HDAC9: variants seen among roughly 807,000 people sequenced by gnomAD.
HDAC9 encodes histone deacetylase 9, also known as MEF-2 interacting transcription repressor (MITR) protein.
In HDAC9, 41 loss-of-function variants were observed where a neutral mutation model predicts 139.4. That is an observed-to-expected ratio of 0.29 (90% CI 0.23 to 0.38). The LOEUF (loss-of-function observed/expected upper bound fraction) is 0.38, where lower values mean the gene tolerates loss of function less well. HDAC9 is among the 10% of genes least tolerant of loss of function. The probability of loss-of-function intolerance (pLI) is 1.00; values close to 1 mark genes in which losing one functional copy is unlikely to be tolerated. For missense variants in HDAC9, 1,147 were observed against 1,297.0 expected (o/e 0.88, Z 1.78); for synonymous variants, 517 against 476.2 (o/e 1.09, Z -1.12).
intron 2 of HDAC9, among the ~76,000 whole-genome samples, chr7:18,232,344 T>G (rs1793519944): frequency 6.6e-6 from 1 of 152,170 alleles, no homozygotes; most frequent in Admixed American, 6.6e-5. Flanking sequence ...GTCTGTTTCT[T>G]TCCTTGTTAC....
intron 1 of HDAC9, among the ~76,000 whole-genome samples, chr7:18,489,089 C>T (rs1796178467): frequency 6.6e-6 from 1 of 151,898 alleles, no homozygotes; most frequent in East Asian, 1.9e-4. Flanking sequence ...TACTCAAGAT[C>T]AGTAGTCACT....
chr7:18,967,719 T>C (rs1283311372), intron 24 of HDAC9, among the ~76,000 whole-genome samples: 1 of 152,152 alleles, frequency 6.6e-6, no homozygotes, highest in Non-Finnish European at 1.5e-5. Context: ...TTAATGACAT[T>C]TAATAACTCT....
In HDAC9 at chr7:18,207,386, T is replaced by C. The variant is rs530540089; in HGVS notation, c.25+45037T>C. ...TAAATATTTTAGGATCCATGCAATT[T>C]TGTTTTGATTCATTATTTTTATTTA... On this transcript the variant is annotated intron_variant, in intron 2 of 12. Coordinates refer to the HDAC9 transcript ENST00000417496. 1.9e-4 allele frequency among the ~76,000 whole-genome samples: 29 copies of C among 152,052 alleles called. No individual in the cohort carries two copies. The South Asian group carries it at 6.0e-3, about 32-fold the overall frequency.
intron 1 of HDAC9, among the ~76,000 whole-genome samples, chr7:18,105,716 C>G (rs1042628624): frequency 5.9e-5 from 9 of 151,688 alleles, no homozygotes; most frequent in African/African-American, 2.2e-4. Context: ...CAGAGAGTTA[C>G]TATATTAGCT....
At chr7:18,191,473 A>C (rs111637943) in intron 2 of HDAC9, among the ~76,000 whole-genome samples, 4 of 152,346 alleles carry the variant, frequency 2.6e-5, no homozygotes, top group African/African-American at 7.2e-5. Context: ...GAATGATTTT[A>C]GACAAACCCA....
intron 16 of HDAC9, among the ~76,000 whole-genome samples, chr7:18,786,813 TTCC>T (rs1791852477): frequency 1.2e-5 from 1 of 84,704 alleles, no homozygotes; most frequent in Non-Finnish European, 2.5e-5. Context: ...CCTTCCTTCC[TTCC>T]TTCATTCCTT....
intron 1 of HDAC9, among the ~76,000 whole-genome samples, chr7:18,456,352 T>C (rs1793345783): frequency 6.6e-6 from 1 of 152,266 alleles, no homozygotes; most frequent in Non-Finnish European, 1.5e-5. Context: ...TTCTCTTGCC[T>C]CAGCCTCCCA....
At chr7:18,211,571 C>T (rs1269880124) in intron 2 of HDAC9, among the ~76,000 whole-genome samples, 1 of 152,188 alleles carries the variant, frequency 6.6e-6, no homozygotes, top group East Asian at 1.9e-4. Context: ...GAGACATCCA[C>T]TAGTGTCTAC....
intron 14 of HDAC9, among the ~76,000 whole-genome samples, chr7:18,755,650 CA>C (rs537490197): frequency 1.4e-4 from 21 of 152,152 alleles, no homozygotes; most frequent in African/African-American, 4.8e-4. Flanking sequence ...TAAGGGATAA[CA>C]TTTTTTTCTT....
intron 5 of HDAC9, among the ~76,000 whole-genome samples, chr7:18,593,242 A>G (rs1831491423): frequency 1.3e-5 from 2 of 152,116 alleles, no homozygotes; most frequent in African/African-American, 2.4e-5. Context: ...ATATGTAATT[A>G]TAGATATTTA....
intron 17 of HDAC9, among the ~76,000 whole-genome samples, chr7:18,816,485 G>T (rs951972334): frequency 6.6e-5 from 10 of 152,280 alleles, no homozygotes; most frequent in African/African-American, 2.4e-4. Flanking sequence ...TGGTTAATTT[G>T]AGATTGCCAG....
At chr7:18,949,196 T>A in intron 23 of HDAC9, 1 of 221,222 alleles carries the variant, frequency 4.5e-6, no homozygotes, top group South Asian at 6.0e-5. Flanking sequence ...GAGTATCTTA[T>A]ATAGATTTCT....
chr7:18,236,218 A>G (rs1382532417), intron 2 of HDAC9, among the ~76,000 whole-genome samples: 3 of 152,172 alleles, frequency 2.0e-5, no homozygotes, highest in Middle Eastern at 3.2e-3. Context: ...TCAACTAGGA[A>G]CTTGTTAGCA....
chr7:18,679,338 T>TA (rs1781732511), intron 12 of HDAC9, among the ~76,000 whole-genome samples: 1 of 151,988 alleles, frequency 6.6e-6, no homozygotes, highest in African/African-American at 2.4e-5. Flanking sequence ...TGGACATTTT[T>TA]ACCCAAGTTT....
chr7:18,714,212 C>T (rs1784543931), intron 12 of HDAC9, among the ~76,000 whole-genome samples: 2 of 152,140 alleles, frequency 1.3e-5, no homozygotes, highest in African/African-American at 4.8e-5. Context: ...TTTTTAATAA[C>T]GTCATTTAAT....
chr7:18,694,145 TATG>T (rs1319753828), intron 12 of HDAC9, among the ~76,000 whole-genome samples: 1 of 152,118 alleles, frequency 6.6e-6, no homozygotes, highest in African/African-American at 2.4e-5. Context: ...CACCCACACC[TATG>T]ATGACCCAGT....
intron 1 of HDAC9, among the ~76,000 whole-genome samples, chr7:18,455,818 T>C (rs1439661082): frequency 6.6e-6 from 1 of 152,216 alleles, no homozygotes; most frequent in African/African-American, 2.4e-5. Flanking sequence ...ATTAGATTAC[T>C]GAAAGCTATA....
chr7:18,356,700 T>G (rs1783335563), intron 1 of HDAC9, among the ~76,000 whole-genome samples: 1 of 151,676 alleles, frequency 6.6e-6, no homozygotes, highest in African/African-American at 2.4e-5. Flanking sequence ...AACCGGTATT[T>G]GCACATGGGG....
chr7:18,799,299 G>A (rs529197464), intron 17 of HDAC9, among the ~76,000 whole-genome samples: 2 of 152,260 alleles, frequency 1.3e-5, no homozygotes, highest in African/African-American at 2.4e-5. Flanking sequence ...ATCCTGGAAA[G>A]AGGTGAGAAT....
Sources: gnomAD v4.1 joint callset for allele counts (sites outside exome capture counted in the v4.1 genomes callset) on GRCh38, gnomAD v4.1.1 for gene constraint, MANE v1.5 for transcripts, NCBI Gene and HGNC (gene_info 2026-07-23, HGNC 2026-07-21) for gene names.